COG2: variants seen among roughly 807,000 people sequenced by gnomAD.
COG2 encodes the protein conserved oligomeric Golgi complex subunit 2.
Under a neutral mutation model 90.6 loss-of-function variants are expected in COG2, and 52 were observed. That is an observed-to-expected ratio of 0.57 (90% CI 0.46 to 0.72). The LOEUF (loss-of-function observed/expected upper bound fraction) is 0.72, where lower values mean the gene tolerates loss of function less well. Ranked by LOEUF, COG2 falls within the 30% of genes least tolerant of loss-of-function variation. COG2 has a pLI of 0.00. For synonymous variants in COG2, 337 were observed against 320.4 expected (o/e 1.05, Z -0.55); for missense variants, 829 against 891.2 (o/e 0.93, Z 0.89).
intron 9 of COG2, among the ~76,000 whole-genome samples, chr1:230,677,853 G>C (rs2102764986): frequency 6.6e-6 from 1 of 152,274 alleles, no homozygotes; most frequent in Admixed American, 6.5e-5. Flanking sequence ...TCTTGTAAGA[G>C]GGCAATATCT....
At chr1:230,642,955 G>A (rs940196753) in intron 1 of COG2, 2 of 458,898 alleles carry the variant, frequency 4.4e-6, no homozygotes, top group Non-Finnish European at 7.8e-6. Flanking sequence ...ACTGTTACCC[G>A]TTCCTGTTAC....
chr1:230,657,950 C>T (rs1662104021), intron 1 of COG2, among the ~76,000 whole-genome samples: 1 of 152,016 alleles, frequency 6.6e-6, no homozygotes, highest in South Asian at 2.1e-4. Context: ...ACTGGTTATT[C>T]TAGTTAGCAA....
intron 13 of COG2, 88 bp downstream of exon 13, chr1:230,687,220 CT>C: frequency 9.0e-7 from 1 of 1,116,578 alleles, no homozygotes; most frequent in Non-Finnish European, 1.3e-6. Context: ...ACCACTGGGC[CT>C]TACGGGGCTT....
intron 1 of COG2, among the ~76,000 whole-genome samples, chr1:230,648,251 A>G (rs1661836778): frequency 6.6e-6 from 1 of 152,256 alleles, no homozygotes; most frequent in Non-Finnish European, 1.5e-5. Flanking sequence ...CTTGGCCTGT[A>G]GATGAGATAC....
rs146421063 is a variant in COG2, at chr1:230,660,212, G to T, written c.235-546G>T. 4.2e-3 allele frequency among the ~76,000 whole-genome samples: 633 copies of T among 152,312 alleles called. 1 individual carries two copies. The highest frequency in any genetic ancestry group is 7.2e-3 in the Non-Finnish European group (493 of 68,020). On this transcript the variant is annotated intron_variant, in intron 2 of 17. Coordinates refer to ENST00000366669, the MANE Select transcript of COG2 (RefSeq NM_007357.3). ...AACTCTCTCCAAAGAAGTACAGAAA[G>T]TAGCCATCTCCATGGAAATTTTAAG...
intron 10 of COG2, chr1:230,681,450 A>G (rs1361237099): frequency 6.6e-6 from 1 of 152,228 alleles, no homozygotes; most frequent in Non-Finnish European, 1.5e-5. Context: ...ATGTGTATCC[A>G]CAAGAGACGG....
At chr1:230,678,686 T>G in intron 9 of COG2, 1 of 1,444,510 alleles carries the variant, frequency 6.9e-7, no homozygotes, top group South Asian at 1.2e-5. Flanking sequence ...GGGTCTCAGA[T>G]GGGCTTTGCC....
intron 10 of COG2, chr1:230,679,364 G>T: frequency 4.7e-6 from 1 of 213,372 alleles, no homozygotes; most frequent in Non-Finnish European, 9.2e-6. Flanking sequence ...AGAGAAAGTA[G>T]GAGTTATACA....
intron 17 of COG2, 77 bp downstream of exon 17, chr1:230,691,641 C>A: frequency 7.4e-7 from 1 of 1,356,392 alleles, no homozygotes; most frequent in Non-Finnish European, 1.0e-6. Context: ...TGGTGGCTCG[C>A]GTGATCCCAG....
chr1:230,657,677 A>AG (rs1662093579), intron 1 of COG2, among the ~76,000 whole-genome samples: 1 of 152,036 alleles, frequency 6.6e-6, no homozygotes, highest in Admixed American at 6.6e-5. Flanking sequence ...ACTTGGTTCC[A>AG]TTTTCCCCGT....
In COG2 at chr1:230,690,166, A is replaced by G. The variant is rs1044289534; in HGVS notation, c.1934+13A>G. ...AAAGCACTCATAAGTAAGTAAATTA[A>G]AAGCAGACCTTGTGGGCCTTGCTTA... On this transcript the variant is annotated intron_variant, in intron 16 of 17. Coordinates refer to ENST00000366669, the MANE Select transcript of COG2 (RefSeq NM_007357.3). 1.2e-6 allele frequency: 2 copies of G among 1,610,102 alleles called. No individual in the cohort carries two copies. The highest frequency in any genetic ancestry group is 2.7e-5 in the African/African-American group (2 of 74,664).
chr1:230,669,868 C>G (rs1662406962), intron 7 of COG2: 2 of 218,528 alleles, frequency 9.2e-6, no homozygotes, highest in East Asian at 2.1e-4. Flanking sequence ...TTTCAAATCA[C>G]TGGTCTTGTG....
At chr1:230,669,203 A>AG (rs1419216866) in intron 6 of COG2, 153 bp from the exon 7 acceptor site, 4 of 602,808 alleles carry the variant, frequency 6.6e-6, no homozygotes, top group Non-Finnish European at 8.4e-6. Flanking sequence ...GATTGGAGTG[A>AG]GGGGTTCATT....
At position 230,689,997 on chromosome 1, in the gene COG2, T is replaced by C. The variant is rs1462166919; in HGVS notation, c.1795-17T>C. On this transcript the variant is annotated splice_polypyrimidine_tract_variant and intron_variant, in intron 15 of 17. Coordinates refer to ENST00000366669, the MANE Select transcript of COG2 (RefSeq NM_007357.3). ...TTTTTTCCTGTGCATCTTTATCTCC[T>C]ACCATCATCATTCCAGGAGGTCCCA... 1 of 1,569,340 alleles carries C rather than the reference T, an allele frequency of 6.4e-7. No individual in the cohort carries two copies. The highest frequency in any genetic ancestry group is 2.0e-5 in the Admixed American group (1 of 50,656).
At chr1:230,649,119 AAGTT>A (rs1661855607) in intron 1 of COG2, among the ~76,000 whole-genome samples, 1 of 152,258 alleles carries the variant, frequency 6.6e-6, no homozygotes. Flanking sequence ...TAAACATAAT[AAGTT>A]ATTTAGAACT....
intron 1 of COG2, chr1:230,643,080 G>A: frequency 1.1e-5 from 2 of 181,510 alleles, no homozygotes; most frequent in Non-Finnish European, 2.3e-5. Flanking sequence ...ACTTTCCTAG[G>A]GACTCGGGTC....
intron 6 of COG2, 166 bp from the exon 7 acceptor site, chr1:230,669,190 A>C: frequency 7.2e-6 from 4 of 554,506 alleles, no homozygotes; most frequent in Non-Finnish European, 1.2e-5. Context: ...TTACTTATAA[A>C]GTGATTGGAG....
chr1:230,683,553 TTC>T lies in COG2; in HGVS notation c.1167-19_1167-18del. 1 of 1,512,002 alleles carries T rather than the reference TTC, an allele frequency of 6.6e-7. No individual in the cohort carries two copies. Among genetic ancestry groups the T allele is most frequent in the Non-Finnish European group, 8.9e-7 (1 of 1,122,394 alleles). 93.7% of individuals were successfully genotyped at this position (1,512,002 alleles called of 1,614,324 possible). A position where few individuals can be genotyped will look rare whatever the true frequency, so the allele number is the denominator to read the frequency against. On this transcript the variant is annotated intron_variant, in intron 10 of 17. Transcript: ENST00000366669. ...CTGTCAGAGTCATAAACATTAATTC[TTC>T]TTCTTGTTTTTATCTCAGATTTAGA...
chr1:230,675,269 C>T (rs1268828581), intron 9 of COG2, 145 bp downstream of exon 9: 2 of 827,644 alleles, frequency 2.4e-6, no homozygotes, highest in Non-Finnish European at 3.5e-6. Flanking sequence ...CCTTAAAACA[C>T]ACACATCGTT....
Sources: allele counts gnomAD v4.1 joint callset (sites outside exome capture counted in the v4.1 genomes callset), GRCh38; gene constraint gnomAD v4.1.1; transcripts MANE v1.5; gene names NCBI Gene and HGNC (gene_info 2026-07-23, HGNC 2026-07-21).